Variants in SDCCAG8 observed in about 807,000 individuals in gnomAD.
SDCCAG8 encodes the protein SHH signaling and ciliogenesis regulator SDCCAG8.
SDCCAG8 carries 74 observed loss-of-function variants against 101.8 expected under a neutral mutation model. The ratio of observed to expected loss-of-function variants is 0.73; its 90% CI spans 0.60 to 0.88. The LOEUF (loss-of-function observed/expected upper bound fraction) is 0.88. Among genes scored for constraint, SDCCAG8 ranks in the 40% least tolerant of loss-of-function variants. The probability of loss-of-function intolerance (pLI) is 0.00; values close to 1 mark genes in which losing one functional copy is unlikely to be tolerated. For synonymous variants in SDCCAG8, 281 were observed against 292.9 expected, an observed-to-expected ratio of 0.96 and a Z score of 0.41; for missense variants, 787 against 822.6, an observed-to-expected ratio of 0.96 and a Z score of 0.53.
chr1:243,311,365 A>G (rs2072703687), intron 8 of SDCCAG8, among the ~76,000 whole-genome samples: 1 of 152,136 alleles, frequency 6.6e-6, no homozygotes, highest in African/African-American at 2.4e-5. Context: ...ATACAACCAT[A>G]CTACATTTTT....
intron 12 of SDCCAG8, among the ~76,000 whole-genome samples, chr1:243,357,606 A>G (rs1015813540): frequency 1.1e-4 from 17 of 152,218 alleles, no homozygotes. Flanking sequence ...GCAGCCATTT[A>G]TTTAACTAAT....
chr1:243,384,548 A>G (rs751342131), intron 13 of SDCCAG8, among the ~76,000 whole-genome samples: 4 of 151,974 alleles, frequency 2.6e-5, no homozygotes, highest in Non-Finnish European at 4.4e-5. Flanking sequence ...TAGGTTTAGT[A>G]AAGTGCACCA....
chr1:243,441,999 T>C (rs2082566766), intron 16 of SDCCAG8, among the ~76,000 whole-genome samples: 1 of 152,182 alleles, frequency 6.6e-6, no homozygotes, highest in South Asian at 2.1e-4. Context: ...ATCAGCTCTC[T>C]GTGGCAAAAA....
At chr1:243,326,761 T>C (rs1221524463) in intron 9 of SDCCAG8, among the ~76,000 whole-genome samples, 1 of 152,224 alleles carries the variant, frequency 6.6e-6, no homozygotes, top group African/African-American at 2.4e-5. Context: ...TTATGAATTA[T>C]TCTGTCACAA....
At chr1:243,469,055 C>T (rs899860707) in intron 16 of SDCCAG8, among the ~76,000 whole-genome samples, 1 of 152,220 alleles carries the variant, frequency 6.6e-6, no homozygotes, top group Non-Finnish European at 1.5e-5. Flanking sequence ...GATAGGCTTA[C>T]AAGGATTTGC....
chr1:243,317,172 T>C (rs2073325543), intron 9 of SDCCAG8, among the ~76,000 whole-genome samples: 2 of 152,172 alleles, frequency 1.3e-5, no homozygotes, highest in African/African-American at 4.8e-5. Context: ...TTGCTGATAA[T>C]TTGCAATGCT....
chr1:243,268,249 G>A (rs2067793457), intron 1 of SDCCAG8: 1 of 371,402 alleles, frequency 2.7e-6, no homozygotes, highest in Admixed American at 4.3e-5. Context: ...TGTTTTATTC[G>A]TGGATTTAAG....
chr1:243,378,704 C>T lies in SDCCAG8; in HGVS notation c.1474-17C>T, dbSNP rs1466386042. The stretch of plus-strand genomic sequence containing the variant: ...TGTATTTTATATGGATGCTTTTTCC[C>T]CTTCTCTCTACCTAAGGAAATAGAG... On this transcript the variant is annotated splice_polypyrimidine_tract_variant and intron_variant, in intron 12 of 17. Transcript: ENST00000366541. 2.5e-6 allele frequency: 4 copies of T among 1,613,108 alleles called. No individual in the cohort carries two copies. The South Asian group carries it at 4.4e-5, about 18-fold the overall frequency.
intron 17 of SDCCAG8, among the ~76,000 whole-genome samples, chr1:243,496,140 C>T: frequency 6.6e-6 from 1 of 152,210 alleles, no homozygotes; most frequent in South Asian, 2.1e-4. Context: ...GATAAATAAC[C>T]ATTTTGTACA....
At chr1:243,428,413 T>A (rs1028691845) in intron 16 of SDCCAG8, among the ~76,000 whole-genome samples, 12 of 152,196 alleles carry the variant, frequency 7.9e-5, no homozygotes, top group African/African-American at 2.9e-4. Flanking sequence ...CAAAAGAATT[T>A]CATAACTGTC....
At chr1:243,438,995 C>T (rs2082342576) in intron 16 of SDCCAG8, among the ~76,000 whole-genome samples, 1 of 152,152 alleles carries the variant, frequency 6.6e-6, no homozygotes, top group Non-Finnish European at 1.5e-5. Flanking sequence ...TTCATTCCTA[C>T]TGTCTTAGAA....
chr1:243,261,786 G>T (rs1174331313), intron 1 of SDCCAG8, among the ~76,000 whole-genome samples: 2 of 151,306 alleles, frequency 1.3e-5, no homozygotes, highest in Admixed American at 6.6e-5. Flanking sequence ...AACATGAGGG[G>T]TTTTTTGCTG....
rs1182145546 is a variant in SDCCAG8, at chr1:243,354,752, A to G, written c.1473+10421A>G. 4.6e-5 allele frequency among the ~76,000 whole-genome samples: 7 copies of G among 152,360 alleles called. No individual in the cohort carries two copies. In the South Asian group the frequency reaches 1.0e-3, roughly 23 times the overall value. ...TTGCCCTCATAAATGCAAGCATGGA[A>G]TGAAAAGCTGTGGTAGTTCTGGACA... On this transcript the variant is annotated intron_variant, in intron 12 of 17. Coordinates refer to ENST00000366541, the MANE Select transcript of SDCCAG8 (RefSeq NM_006642.5).
chr1:243,431,081 T>C (rs113572283), intron 16 of SDCCAG8, among the ~76,000 whole-genome samples: 6,737 of 152,026 alleles, frequency 0.044, 280 homozygotes, highest in Admixed American at 0.15. Flanking sequence ...CCTGTAATCC[T>C]AGCTACTCGG....
chr1:243,464,158 G>A (rs1012864240), intron 16 of SDCCAG8, among the ~76,000 whole-genome samples: 1 of 152,182 alleles, frequency 6.6e-6, no homozygotes, highest in African/African-American at 2.4e-5. Context: ...GTAAATTAGA[G>A]TTTGAAGCAT....
rs575558433 is a variant in SDCCAG8 at position 243,472,417 on chromosome 1, A to G, written c.1986-16597A>G. ...TGTTTCTAAGTCCAGGGCTGGAGAAAGAGGTCAGTACCTGGTCTGTGCTGC... is the reference window on the plus strand; with the variant it reads ...TGTTTCTAAGTCCAGGGCTGGAGAAGGAGGTCAGTACCTGGTCTGTGCTGC... On this transcript the variant is annotated intron_variant, in intron 16 of 17. Coordinates refer to ENST00000366541, the MANE Select transcript of SDCCAG8 (RefSeq NM_006642.5). 1.5e-4 allele frequency among the ~76,000 whole-genome samples: 23 copies of G among 152,316 alleles called. No homozygotes were observed. The Middle Eastern group carries it at 0.01, about 68-fold the overall frequency.
chr1:243,274,699 T>A, intron 4 of SDCCAG8, 43 bp downstream of exon 4: 1 of 1,115,754 alleles, frequency 9.0e-7, no homozygotes. Context: ...AAATGAAAGC[T>A]TATATTAACT....
intron 17 of SDCCAG8, among the ~76,000 whole-genome samples, chr1:243,492,604 GTTTTTT>G (rs74162289): frequency 8.5e-5 from 5 of 58,876 alleles, no homozygotes; most frequent in South Asian, 6.3e-4. Flanking sequence ...GCGCCCAGCT[GTTTTTT>G]TTTTTTTTTT....
At chr1:243,328,552 C>T (rs1009232498) in intron 9 of SDCCAG8, among the ~76,000 whole-genome samples, 2 of 151,922 alleles carry the variant, frequency 1.3e-5, no homozygotes, top group Non-Finnish European at 2.9e-5. Flanking sequence ...GCTGGGATTA[C>T]AGGCGTGAGC....
Sources: gnomAD v4.1 joint callset for allele counts (sites outside exome capture counted in the v4.1 genomes callset) on GRCh38, gnomAD v4.1.1 for gene constraint, MANE v1.5 for transcripts, NCBI Gene and HGNC (gene_info 2026-07-23, HGNC 2026-07-21) for gene names.